The following NGF variants were observed in gnomAD, a reference collection of about 807,000 sequenced individuals.
The protein encoded by NGF is nerve growth factor.
NGF carries 4 observed loss-of-function variants against 12.8 expected under a neutral mutation model. The ratio of observed to expected loss-of-function variants is 0.31; its 90% confidence interval spans 0.15 to 0.72. NGF has a LOEUF of 0.72. NGF is among the 30% of genes least tolerant of loss of function. The pLI is 0.69. For synonymous variants in NGF, 140 were observed against 130.0 expected (o/e 1.08, Z -0.52); for missense variants, 283 against 330.8 (o/e 0.86, Z 1.12).
At chr1:115,337,051 C>T (rs1655126934) in intron 1 of NGF, among the ~76,000 whole-genome samples, 1 of 152,154 alleles carries the variant, frequency 6.6e-6, no homozygotes, top group African/African-American at 2.4e-5. Context: ...TTCCTTAATA[C>T]CCACAGCACC....
At chr1:115,335,381 C>A (rs74557858) in intron 1 of NGF, among the ~76,000 whole-genome samples, 1 of 152,174 alleles carries the variant, frequency 6.6e-6, no homozygotes, top group Non-Finnish European at 1.5e-5. Flanking sequence ...GTCTTTCATC[C>A]TCATTTATTT....
In NGF at chr1:115,286,629, G is replaced by T. The variant is rs1653516587; in HGVS notation, c.167C>A (p.Ala56Glu). ...TALRRARSAP[A>E]AAIAARVAGQ... The stretch of plus-strand genomic sequence containing the variant: ...CGCCACGCGTGCAGCTATCGCCGCT[G>T]CCGGGGCGCTGCGGGCTCTGCGAAG... The change falls in exon 3 of 3, where the codon GCA becomes GAA. Residue 56 changes from alanine (A) to glutamate (E), a missense_variant. This residue lies in a region of NGF where 151 missense variants were observed against 141.6 expected (regional missense o/e 1.07). Coordinates refer to ENST00000369512, the MANE Select transcript of NGF (RefSeq NM_002506.3). 1 of 1,614,108 alleles carries T rather than the reference G, an allele frequency of 6.2e-7. No individual in the cohort carries two copies. The highest frequency in any genetic ancestry group is 1.3e-5 in the African/African-American group (1 of 74,944).
chr1:115,327,615 T>C (rs867473966), intron 1 of NGF, among the ~76,000 whole-genome samples: 1 of 152,228 alleles, frequency 6.6e-6, no homozygotes, highest in Admixed American at 6.5e-5. Context: ...TCAGGGGCAA[T>C]TGATTCCATT....
chr1:115,310,199 T>A (rs72992000), intron 1 of NGF, among the ~76,000 whole-genome samples: 5 of 152,122 alleles, frequency 3.3e-5, no homozygotes, highest in African/African-American at 1.2e-4. Flanking sequence ...GGAAATCACA[T>A]GTATGTGGGA....
chr1:115,332,982 G>C (rs1299091463), intron 1 of NGF, among the ~76,000 whole-genome samples: 3 of 152,166 alleles, frequency 2.0e-5, no homozygotes, highest in Non-Finnish European at 4.4e-5. Flanking sequence ...AAAATGGGTT[G>C]GCATTTCACT....
chr1:115,321,580 G>GTGTGTGTGTGTGTGTA (rs1298201997), intron 1 of NGF, among the ~76,000 whole-genome samples: 38 of 9,496 alleles, frequency 4.0e-3, no homozygotes, highest in Non-Finnish European at 6.2e-3. Flanking sequence ...TATGGGATGT[G>GTGTGTGTGTGTGTGTA]TGTGTGTGTG....
At chr1:115,296,698 A>G (rs1053868981) in intron 1 of NGF, among the ~76,000 whole-genome samples, 1 of 152,220 alleles carries the variant, frequency 6.6e-6, no homozygotes, top group African/African-American at 2.4e-5. Context: ...GCAGTTTACT[A>G]CTGCAGAGAG....
intron 1 of NGF, among the ~76,000 whole-genome samples, chr1:115,318,563 C>T (rs1654532071): frequency 6.6e-6 from 1 of 152,186 alleles, no homozygotes; most frequent in Non-Finnish European, 1.5e-5. Flanking sequence ...ATCTTCATGT[C>T]CACCCACCTT....
chr1:115,333,655 CTCTTTCTTTCTTTCTT>C (rs368041850), intron 1 of NGF, among the ~76,000 whole-genome samples: 2,585 of 135,162 alleles, frequency 0.019, 56 homozygotes, highest in South Asian at 0.034. Flanking sequence ...TTCTTTCTTT[CTCTTTCTTTCTTTCTT>C]TCTTTCTTTC....
At chr1:115,330,186 G>C (rs1398710416) in intron 1 of NGF, among the ~76,000 whole-genome samples, 1 of 152,094 alleles carries the variant, frequency 6.6e-6, no homozygotes, top group Non-Finnish European at 1.5e-5. Flanking sequence ...TGTGTACTCT[G>C]GACCATCCCT....
At chr1:115,311,493 C>T (rs908420141) in intron 1 of NGF, among the ~76,000 whole-genome samples, 4 of 152,072 alleles carry the variant, frequency 2.6e-5, no homozygotes, top group African/African-American at 7.2e-5. Context: ...TGTCTAGAGA[C>T]ATTTTTGGTA....
chr1:115,286,161 G>A lies in NGF; in HGVS notation c.635C>T (p.Thr212Ile). 2.5e-6 allele frequency: 4 copies of A among 1,613,982 alleles called. No individual in the cohort carries two copies. Among genetic ancestry groups the A allele is most frequent in the Non-Finnish European group, 3.4e-6 (4 of 1,179,908 alleles). Residue 212 changes from threonine to isoleucine, a missense_variant, in exon 3 of 3, where the codon ACC (threonine) becomes ATC (isoleucine). By Grantham distance (89) the Thr-to-Ile change is moderately conservative. Coordinates refer to ENST00000369512, the MANE Select transcript of NGF (RefSeq NM_002506.3). ...TTTHTFVKAL[T>I]MDGKQAAWRF... ...CCAGGCAGCCTGCTTGCCATCCATG[G>A]TCAGCGCCTTGACAAAGGTGTGAGT...
intron 1 of NGF, among the ~76,000 whole-genome samples, chr1:115,303,686 T>G (rs1461577821): frequency 1.3e-5 from 2 of 152,096 alleles, no homozygotes; most frequent in South Asian, 2.1e-4. Flanking sequence ...ACTAACATCA[T>G]CATCATGATC....
At chr1:115,304,206 A>G (rs927701376) in intron 1 of NGF, among the ~76,000 whole-genome samples, 1 of 152,036 alleles carries the variant, frequency 6.6e-6, no homozygotes, top group African/African-American at 2.4e-5. Context: ...GTTTTTGCCC[A>G]GGCTGTAGTG....
intron 1 of NGF, among the ~76,000 whole-genome samples, chr1:115,308,004 C>T (rs1654244940): frequency 6.6e-6 from 1 of 152,232 alleles, no homozygotes; most frequent in African/African-American, 2.4e-5. Flanking sequence ...ATTGGGGTTT[C>T]CCATTGATGC....
chr1:115,321,771 C>T (rs1211103217), intron 1 of NGF, among the ~76,000 whole-genome samples: 1 of 152,152 alleles, frequency 6.6e-6, no homozygotes, highest in Admixed American at 6.6e-5. Context: ...TTAGATTCAT[C>T]CTAGTGATTC....
intron 1 of NGF, among the ~76,000 whole-genome samples, chr1:115,300,012 T>C (rs978865783): frequency 6.6e-6 from 1 of 152,164 alleles, no homozygotes; most frequent in African/African-American, 2.4e-5. Flanking sequence ...CCACCTAGGA[T>C]TGAACACGTG....
chr1:115,336,164 G>A (rs1242168180), intron 1 of NGF, among the ~76,000 whole-genome samples: 1 of 152,140 alleles, frequency 6.6e-6, no homozygotes, highest in Admixed American at 6.5e-5. Flanking sequence ...GTTAAAAGTA[G>A]GGAAAGAGTC....
intron 1 of NGF, among the ~76,000 whole-genome samples, chr1:115,306,258 G>A (rs1211807731): frequency 2.0e-5 from 3 of 152,214 alleles, no homozygotes; most frequent in Non-Finnish European, 2.9e-5. Flanking sequence ...CAAAGAGATC[G>A]AATGTCAAGA....
Sources: allele counts gnomAD v4.1 joint callset (sites outside exome capture counted in the v4.1 genomes callset), GRCh38; gene constraint gnomAD v4.1.1; regional missense constraint gnomAD v4.1.1; transcripts MANE v1.5; gene names NCBI Gene and HGNC (gene_info 2026-07-23, HGNC 2026-07-21).